CHP1: variants seen among roughly 807,000 people sequenced by gnomAD.
The protein encoded by CHP1 is calcineurin like EF-hand protein 1.
CHP1 carries 11 observed loss-of-function variants against 27.4 expected under a neutral mutation model. The observed-to-expected ratio is 0.40, with a 90% CI of 0.25 to 0.67. CHP1 has a LOEUF of 0.67. Ranked by LOEUF, CHP1 falls within the 30% of genes least tolerant of loss-of-function variation. The pLI is 0.38. For synonymous variants in CHP1, 89 were observed against 87.4 expected (o/e 1.02, Z -0.10); for missense variants, 169 against 251.3 (o/e 0.67, Z 2.22).
intron 5 of CHP1, among the ~76,000 whole-genome samples, chr15:41,271,119 G>T (rs1041605930): frequency 6.6e-6 from 1 of 152,048 alleles, no homozygotes; most frequent in African/African-American, 2.4e-5. Flanking sequence ...GCCGGGTGTG[G>T]TGGCGGGCAC....
At chr15:41,255,965 C>T (rs1223209556) in intron 2 of CHP1, among the ~76,000 whole-genome samples, 1 of 152,004 alleles carries the variant, frequency 6.6e-6, no homozygotes, top group African/African-American at 2.4e-5. Context: ...GGCAGTGAGC[C>T]AAGACCATGC....
At chr15:41,278,957 A>G (rs575755256) in intron 6 of CHP1, 68 bp downstream of exon 6, 2 of 1,596,574 alleles carry the variant, frequency 1.3e-6, no homozygotes, top group South Asian at 1.1e-5. Flanking sequence ...TTACGCCTGT[A>G]ATCCCAGCAC....
intron 1 of CHP1, among the ~76,000 whole-genome samples, chr15:41,240,693 T>A (rs1446677325): frequency 7.1e-6 from 1 of 141,716 alleles, no homozygotes; most frequent in Non-Finnish European, 1.5e-5. Context: ...GCGGAGGTTG[T>A]GGTGAGCCAA....
chr15:41,232,930 C>G (rs1419731786), intron 1 of CHP1, among the ~76,000 whole-genome samples: 1 of 152,192 alleles, frequency 6.6e-6, no homozygotes, highest in Non-Finnish European at 1.5e-5. Flanking sequence ...CCACCCCTTT[C>G]TGGACTGGTT....
intron 5 of CHP1, among the ~76,000 whole-genome samples, chr15:41,274,975 G>C (rs573596302): frequency 6.6e-6 from 1 of 151,466 alleles, no homozygotes; most frequent in African/African-American, 2.4e-5. Context: ...ATTCTTAGTC[G>C]AGACGGGTTT....
At chr15:41,263,435 C>A (rs1279913856) in intron 4 of CHP1, among the ~76,000 whole-genome samples, 1 of 152,200 alleles carries the variant, frequency 6.6e-6, no homozygotes, top group Non-Finnish European at 1.5e-5. Flanking sequence ...TGTCTCATGC[C>A]TCTTTTCCTT....
At position 41,270,462 on chromosome 15, in the gene CHP1, T is replaced by C. The variant is rs7169466; in HGVS notation, c.350-95T>C. ...GTTCTTGGAAAATCGATTAATTGGC[T>C]GTCAGTTTTCTGTCTAGTGTCTTAT... On this transcript the variant is annotated intron_variant, in intron 4 of 6. Transcript: ENST00000334660. 2.7e-3 allele frequency: 2,394 copies of C among 884,996 alleles called. 46 individuals carry two copies. The African/African-American group carries it at 0.036, about 13-fold the overall frequency. The allele number at this position is 884,996 out of a possible 1,614,324, so 54.8% of individuals were successfully genotyped here.
rs1365430608 is a variant in CHP1, at chr15:41,281,246, T to C, written c.*1857T>C. 2 of 152,302 alleles carry C rather than the reference T, an allele frequency of 1.3e-5. No individual in the cohort carries two copies. Among genetic ancestry groups the C allele is most frequent in the East Asian group, 3.8e-4 (2 of 5,204 alleles). The allele number at this position is 152,302 out of a possible 1,614,324, so 9.4% of individuals were successfully genotyped here. A position where few individuals can be genotyped will look rare whatever the true frequency, so the allele number is the denominator to read the frequency against. On this transcript the variant is annotated 3_prime_UTR_variant, in exon 7 of 7. Coordinates refer to ENST00000334660, the MANE Select transcript of CHP1 (RefSeq NM_007236.5). ...TAATACATGTCCAAAGCATTGACTG[T>C]TGTGTCATTAGCTGCCTGGTTACAT...
chr15:41,242,701 T>C (rs2047312873), intron 1 of CHP1, among the ~76,000 whole-genome samples: 1 of 152,022 alleles, frequency 6.6e-6, no homozygotes, highest in Admixed American at 6.6e-5. Flanking sequence ...CCCAGCACTT[T>C]GGGAGGCTGA....
At chr15:41,247,696 G>C (rs1369833904) in intron 2 of CHP1, among the ~76,000 whole-genome samples, 1 of 150,640 alleles carries the variant, frequency 6.6e-6, no homozygotes, top group African/African-American at 2.4e-5. Context: ...AATAGGGCCG[G>C]GCGCGGTGGT....
chr15:41,245,327 G>C (rs747151520), intron 2 of CHP1, among the ~76,000 whole-genome samples: 1 of 150,540 alleles, frequency 6.6e-6, no homozygotes, highest in Non-Finnish European at 1.5e-5. Context: ...GTGGCGTGGT[G>C]GTGGGCGCCT....
At chr15:41,259,143 G>A (rs760598772) in intron 3 of CHP1, among the ~76,000 whole-genome samples, 4 of 152,052 alleles carry the variant, frequency 2.6e-5, no homozygotes, top group Non-Finnish European at 4.4e-5. Context: ...CCCCTGCAAA[G>A]CATTGAACCC....
intron 3 of CHP1, among the ~76,000 whole-genome samples, chr15:41,262,350 T>C (rs2047437921): frequency 6.6e-6 from 1 of 152,002 alleles, no homozygotes; most frequent in Admixed American, 6.6e-5. Flanking sequence ...GGGGGAGATG[T>C]GGGAGGTGGC....
At chr15:41,242,389 A>C (rs188052249) in intron 1 of CHP1, among the ~76,000 whole-genome samples, 1 of 152,310 alleles carries the variant, frequency 6.6e-6, no homozygotes, top group Non-Finnish European at 1.5e-5. Context: ...CACATCACCT[A>C]CCTAGCCGTA....
chr15:41,274,171 G>A (rs993947128), intron 5 of CHP1, among the ~76,000 whole-genome samples: 1 of 151,934 alleles, frequency 6.6e-6, no homozygotes, highest in African/African-American at 2.4e-5. Flanking sequence ...GTATTGGCCA[G>A]GCTGGTCTTG....
intron 1 of CHP1, among the ~76,000 whole-genome samples, chr15:41,242,271 A>C (rs2047310367): frequency 1.3e-5 from 2 of 152,174 alleles, no homozygotes; most frequent in Non-Finnish European, 2.9e-5. Context: ...TCCAAGGGAA[A>C]AGATAAAGCC....
Position 41,280,505 on chromosome 15 carries a change from A to ATTTTTTTTT in CHP1, c.*1135_*1143dup, listed in dbSNP as rs34921023. ...GGAAGTGCCTAATATCCCAGTCCAAATTTTTTTTTTTTTTTTTTTTTTTTT... is the reference window on the plus strand; with the variant it reads ...GGAAGTGCCTAATATCCCAGTCCAAATTTTTTTTTTTTTTTTTTTTTTTTTTTTTTTTTT... On this transcript the variant is annotated 3_prime_UTR_variant, in exon 7 of 7. Transcript: ENST00000334660. The ATTTTTTTTT allele has an allele frequency of 1.8e-5, 2 of 111,340 alleles. No homozygotes were observed. The highest frequency in any genetic ancestry group is 1.8e-5 in the Non-Finnish European group (1 of 56,608). 6.9% of individuals were successfully genotyped at this position (111,340 alleles called of 1,614,324 possible). A position where few individuals can be genotyped will look rare whatever the true frequency, so the allele number is the denominator to read the frequency against.
chr15:41,254,546 T>C (rs780985928), intron 2 of CHP1, among the ~76,000 whole-genome samples: 11 of 152,256 alleles, frequency 7.2e-5, no homozygotes, highest in Non-Finnish European at 1.3e-4. Flanking sequence ...TAATTTTCTC[T>C]TTCATCATCT....
At chr15:41,236,022 G>A (rs1338672665) in intron 1 of CHP1, among the ~76,000 whole-genome samples, 1 of 151,852 alleles carries the variant, frequency 6.6e-6, no homozygotes, top group African/African-American at 2.4e-5. Flanking sequence ...CCATAAAGGA[G>A]TAAGAAGCAA....
Sources: allele counts gnomAD v4.1 joint callset (sites outside exome capture counted in the v4.1 genomes callset), GRCh38; gene constraint gnomAD v4.1.1; transcripts MANE v1.5; gene names NCBI Gene and HGNC (gene_info 2026-07-23, HGNC 2026-07-21).